GALNTL6: variants seen among roughly 807,000 people sequenced by gnomAD.
GALNTL6 encodes the protein polypeptide N-acetylgalactosaminyltransferase like 6.
Under a neutral mutation model 73.7 loss-of-function variants are expected in GALNTL6, and 46 were observed. That is an observed-to-expected ratio of 0.62 (90% CI 0.49 to 0.80). The LOEUF is 0.80. Ranked by LOEUF, GALNTL6 falls within the 30% of genes least tolerant of loss-of-function variation. GALNTL6 has a pLI of 0.00. For missense variants in GALNTL6, 604 were observed against 755.0 expected (o/e 0.80, Z 2.34); for synonymous variants, 259 against 263.7 (o/e 0.98, Z 0.17).
chr4:172,996,542 A>G (rs1751795995), intron 10 of GALNTL6, among the ~76,000 whole-genome samples: 1 of 152,084 alleles, frequency 6.6e-6, no homozygotes, highest in South Asian at 2.1e-4. Context: ...ACCTAAAATA[A>G]AGTTAAAACT....
chr4:172,481,592 G>T lies in GALNTL6; in HGVS notation c.553+132903G>T, dbSNP rs551574332. Among the ~76,000 whole-genome samples the T allele has an allele frequency of 9.1e-4, 138 of 151,458 alleles. 1 individual carries two copies. The highest frequency in any genetic ancestry group is 3.4e-3 in the Middle Eastern group (1 of 294). On this transcript the variant is annotated intron_variant, in intron 5 of 12. Coordinates refer to ENST00000506823, the MANE Select transcript of GALNTL6 (RefSeq NM_001034845.3). Reference sequence around the variant, plus strand: ...CCATTTTGACAGGGTGCTGATTGGTGTGTTTACAATCCCTGAGCTAGACAC... The same window carrying T: ...CCATTTTGACAGGGTGCTGATTGGTTTGTTTACAATCCCTGAGCTAGACAC...
At chr4:172,690,844 T>A (rs1733236968) in intron 5 of GALNTL6, among the ~76,000 whole-genome samples, 1 of 152,216 alleles carries the variant, frequency 6.6e-6, no homozygotes. Flanking sequence ...AAGTGAATCA[T>A]TGATGTTTAT....
chr4:172,710,039 TATGAA>T (rs1421008676), intron 5 of GALNTL6, among the ~76,000 whole-genome samples: 2 of 152,102 alleles, frequency 1.3e-5, no homozygotes, highest in Admixed American at 1.3e-4. Context: ...CAAGTAAACA[TATGAA>T]AAGCATTAAA....
intron 3 of GALNTL6, among the ~76,000 whole-genome samples, chr4:172,235,793 A>C (rs1737222364): frequency 6.6e-6 from 1 of 150,998 alleles, no homozygotes; most frequent in Non-Finnish European, 1.5e-5. Context: ...TGCCCACTTC[A>C]CTCCCCCTGC....
At chr4:172,818,113 A>G (rs1208218547) in intron 7 of GALNTL6, among the ~76,000 whole-genome samples, 2 of 152,212 alleles carry the variant, frequency 1.3e-5, no homozygotes, top group Non-Finnish European at 2.9e-5. Context: ...ATGGTTCAAT[A>G]CATGTAAATT....
intron 5 of GALNTL6, among the ~76,000 whole-genome samples, chr4:172,481,052 T>C (rs1017738234): frequency 1.3e-5 from 2 of 152,192 alleles, no homozygotes; most frequent in Non-Finnish European, 2.9e-5. Flanking sequence ...CCGTGGACTA[T>C]CGCGGTGAGT....
chr4:172,091,231 T>G (rs978761638), intron 2 of GALNTL6, among the ~76,000 whole-genome samples: 3 of 152,194 alleles, frequency 2.0e-5, no homozygotes, highest in African/African-American at 7.2e-5. Context: ...GCATACATCT[T>G]ACAAGACTGG....
At chr4:172,703,475 G>C (rs2111298572) in intron 5 of GALNTL6, among the ~76,000 whole-genome samples, 1 of 152,046 alleles carries the variant, frequency 6.6e-6, no homozygotes, top group East Asian at 1.9e-4. Context: ...CCTTCAGTTT[G>C]TTGATGTAGT....
intron 5 of GALNTL6, among the ~76,000 whole-genome samples, chr4:172,448,090 C>T (rs1732089614): frequency 6.6e-6 from 1 of 152,054 alleles, no homozygotes; most frequent in Non-Finnish European, 1.5e-5. Flanking sequence ...CCTTCTTGCT[C>T]TAGTCATATG....
intron 10 of GALNTL6, among the ~76,000 whole-genome samples, chr4:172,975,384 G>A (rs1415135062): frequency 1.3e-5 from 2 of 152,206 alleles, no homozygotes; most frequent in African/African-American, 4.8e-5. Flanking sequence ...CCCACAGCTG[G>A]TAGTCCCCAC....
At chr4:172,425,074 A>G (rs1283894663) in intron 5 of GALNTL6, among the ~76,000 whole-genome samples, 5 of 152,120 alleles carry the variant, frequency 3.3e-5, no homozygotes, top group Non-Finnish European at 7.4e-5. Flanking sequence ...TGCATATACT[A>G]CAGATGAAAA....
At chr4:172,199,102 G>A (rs1294546862) in intron 2 of GALNTL6, among the ~76,000 whole-genome samples, 1 of 152,048 alleles carries the variant, frequency 6.6e-6, no homozygotes, top group African/African-American at 2.4e-5. Flanking sequence ...AGCAGACTGT[G>A]GTAGCCACCG....
Position 172,813,577 on chromosome 4 carries a change from C to T in GALNTL6, c.777C>T (p.Pro259=), listed in dbSNP as rs1418041316. ...TAAACCACAAAACCATCGTGTGTCC[C>T]ATGATCGATGTCATTGACCACAATC... ...IALNHKTIVC[P]MIDVIDHNHF... is the part of the protein sequence containing the mutation. Residue 259 remains proline, a synonymous_variant, in exon 7 of 13, where the codon CCC becomes CCT. Coordinates refer to ENST00000506823, the MANE Select transcript of GALNTL6 (RefSeq NM_001034845.3). The T allele has an allele frequency of 1.9e-6, 3 of 1,612,056 alleles. No individual in the cohort carries two copies. Among genetic ancestry groups the T allele is most frequent in the Non-Finnish European group, 1.7e-6 (2 of 1,178,560 alleles).
rs188101246 is a variant in GALNTL6 at position 171,988,214 on chromosome 4, C to T, written c.138+173496C>T. 1.6e-3 allele frequency among the ~76,000 whole-genome samples: 237 copies of T among 152,164 alleles called. 1 individual carries two copies. Among genetic ancestry groups the T allele is most frequent in the Non-Finnish European group, 2.1e-3 (143 of 68,000 alleles). ...CTGGCTCTTGTGTAAGAATTCTGAC[C>T]GCACTAAGCATGCCTAGGAAGGAAA... On this transcript the variant is annotated intron_variant, in intron 2 of 12. Transcript: ENST00000506823.
At chr4:172,488,384 G>A (rs1417628433) in intron 5 of GALNTL6, among the ~76,000 whole-genome samples, 1 of 152,320 alleles carries the variant, frequency 6.6e-6, no homozygotes, top group South Asian at 2.1e-4. Context: ...TGGGAAGATG[G>A]TGTCTAGGGG....
chr4:172,001,053 G>A (rs1373455858), intron 2 of GALNTL6, among the ~76,000 whole-genome samples: 1 of 152,166 alleles, frequency 6.6e-6, no homozygotes. Flanking sequence ...TAGCAGTGGT[G>A]AGAATAGTTG....
chr4:172,862,840 C>G (rs1296225957), intron 7 of GALNTL6, among the ~76,000 whole-genome samples: 1 of 152,238 alleles, frequency 6.6e-6, no homozygotes, highest in Non-Finnish European at 1.5e-5. Flanking sequence ...TGTCAGAGAA[C>G]TTCACAGCAG....
chr4:172,199,293 T>A (rs527650360), intron 2 of GALNTL6, among the ~76,000 whole-genome samples: 128 of 152,308 alleles, frequency 8.4e-4, no homozygotes, highest in Middle Eastern at 3.4e-3. Flanking sequence ...TTTAGTACAA[T>A]ATACAAAAAA....
intron 5 of GALNTL6, among the ~76,000 whole-genome samples, chr4:172,533,190 T>G (rs1225909380): frequency 6.6e-6 from 1 of 151,516 alleles, no homozygotes; most frequent in Admixed American, 6.6e-5. Context: ...TTTTTGTATT[T>G]TCAGTAGAGA....
Sources: allele counts gnomAD v4.1 joint callset (sites outside exome capture counted in the v4.1 genomes callset), GRCh38; gene constraint gnomAD v4.1.1; transcripts MANE v1.5; gene names NCBI Gene and HGNC (gene_info 2026-07-23, HGNC 2026-07-21).